ZNF248: variants seen among roughly 807,000 people sequenced by gnomAD.
ZNF248 encodes the protein KRAB protein domain.
ZNF248 carries 20 observed loss-of-function variants against 44.3 expected under a neutral mutation model. The ratio of observed to expected loss-of-function variants is 0.45; its 90% CI spans 0.32 to 0.66. The LOEUF (loss-of-function observed/expected upper bound fraction) is 0.66, where lower values mean the gene tolerates loss of function less well. Among genes scored for constraint, ZNF248 ranks in the 30% least tolerant of loss-of-function variants. The pLI is 0.04. For missense variants in ZNF248, 654 were observed against 677.0 expected (o/e 0.97, Z 0.38); for synonymous variants, 224 against 229.0 (o/e 0.98, Z 0.20).
intron 3 of ZNF248, among the ~76,000 whole-genome samples, chr10:37,846,116 C>T (rs527696576): frequency 2.0e-5 from 3 of 152,252 alleles, no homozygotes; most frequent in East Asian, 3.9e-4. Context: ...AGGTCTTAGG[C>T]GTTAACCACC....
intron 6 of ZNF248, among the ~76,000 whole-genome samples, chr10:37,808,064 G>C (rs2050853540): frequency 1.3e-5 from 2 of 152,076 alleles, no homozygotes; most frequent in South Asian, 2.1e-4. Context: ...TTATGAAAGA[G>C]TGTTGAAATA....
chr10:37,769,558 G>A, the ZNF248 span, among the ~76,000 whole-genome samples: 1 of 152,146 alleles, frequency 6.6e-6, no homozygotes, highest in Non-Finnish European at 1.5e-5. Context: ...AAAGGCCTTT[G>A]ACAAAATTCA....
At chr10:37,786,388 A>G (rs1426235897) in intron 6 of ZNF248, among the ~76,000 whole-genome samples, 1 of 152,184 alleles carries the variant, frequency 6.6e-6, no homozygotes, top group African/African-American at 2.4e-5. Context: ...ATCCAGGCTG[A>G]CAGCAGGGAA....
At position 37,851,768 on chromosome 10, in the gene ZNF248, CAAA is replaced by C. The variant is rs57501241; in HGVS notation, c.15+4525_15+4527del. ...ATCACTATATACCCATCAGAATGAC[CAAA>C]AAAAAAAAAAAAAAAAAAAAAAACC... is the stretch of plus-strand genomic sequence containing the variant. On this transcript the variant is annotated intron_variant, in intron 3 of 5. Transcript: ENST00000395867. Among the ~76,000 whole-genome samples, 24 of 32,054 alleles carry C rather than the reference CAAA, an allele frequency of 7.5e-4. 1 individual carries two copies. The South Asian group carries it at 0.014, about 19-fold the overall frequency. The allele number at this position is 32,054 out of a possible 152,430, so 21.0% of individuals were successfully genotyped here.
Position 37,832,475 on chromosome 10 carries a change from C to G in ZNF248, c.880G>C (p.Asp294His), listed in dbSNP as rs1450135190. ...TATTCATTATATTCATAAGGATTGT[C>G]CTTTGTAAGAGCTCTCTGATGTCCA... Reference protein sequence around the residue: ...RFGHQRALTKDNPYEYNEYGE... With the variant: ...RFGHQRALTKHNPYEYNEYGE... Residue 294 changes from aspartate to histidine, a missense_variant, in exon 6 of 6, where the codon GAC (aspartate) becomes CAC (histidine). Asp to His is a moderately conservative substitution (Grantham distance 81, BLOSUM62 -1). Transcript: ENST00000395867. The G allele has an allele frequency of 1.1e-5, 17 of 1,613,796 alleles. No individual in the cohort carries two copies. Among genetic ancestry groups the G allele is most frequent in the Non-Finnish European group, 1.4e-5 (16 of 1,179,944 alleles).
chr10:37,777,474 C>T (rs1388808198), intron 6 of ZNF248, among the ~76,000 whole-genome samples: 2 of 151,968 alleles, frequency 1.3e-5, no homozygotes, highest in African/African-American at 2.4e-5. Flanking sequence ...TCTCCAGAAT[C>T]GCAATTCCTA....
rs1382894808 is a variant in ZNF248 at position 37,829,535 on chromosome 10, A to G, written c.*2080T>C. The G allele has an allele frequency of 4.0e-5, 39 of 985,296 alleles. No individual in the cohort carries two copies. The highest frequency in any genetic ancestry group is 4.6e-5 in the Non-Finnish European group (38 of 829,938). The allele number at this position is 985,296 out of a possible 1,614,324, so 61.0% of individuals were successfully genotyped here. A position where few individuals can be genotyped will look rare whatever the true frequency, so the allele number is the denominator to read the frequency against. On this transcript the variant is annotated 3_prime_UTR_variant, in exon 6 of 6. Coordinates refer to ENST00000395867, the MANE Select transcript of ZNF248 (RefSeq NM_021045.3). ...GTCAGCTGGAATGCCTTCAGCTCTA[A>G]GTATCAGACAGCCCTAAGACCAAAT... is the stretch of plus-strand genomic sequence containing the variant.
chr10:37,764,604 C>T, the ZNF248 span, among the ~76,000 whole-genome samples: 18 of 152,082 alleles, frequency 1.2e-4, no homozygotes, highest in South Asian at 4.2e-4. Flanking sequence ...TGATGTCTCC[C>T]CTGGACACCC....
At chr10:37,825,590 C>A (rs185493496), downstream of ZNF248, among the ~76,000 whole-genome samples, 1 of 152,226 alleles carries the variant, frequency 6.6e-6, no homozygotes, top group East Asian at 1.9e-4. Flanking sequence ...TGAGTGTGCA[C>A]CACCACACCC....
chr10:37,840,182 A>C (rs2058081315), intron 3 of ZNF248, among the ~76,000 whole-genome samples: 1 of 152,232 alleles, frequency 6.6e-6, no homozygotes, highest in South Asian at 2.1e-4. Flanking sequence ...ACAGAGAGAA[A>C]TTTATAACAT....
intron 6 of ZNF248, among the ~76,000 whole-genome samples, chr10:37,777,345 C>T (rs544170508): frequency 9.2e-5 from 14 of 152,138 alleles, no homozygotes; most frequent in South Asian, 2.1e-4. Context: ...CTAAGCCACC[C>T]GCTTCCACCA....
Position 37,792,927 on chromosome 10 carries a change from C to T in ZNF248, c.331-16352G>A, listed in dbSNP as rs78824923. 2.2e-4 allele frequency among the ~76,000 whole-genome samples: 33 copies of T among 152,192 alleles called. No individual in the cohort carries two copies. The East Asian group carries it at 5.8e-3, about 27-fold the overall frequency. On this transcript the variant is annotated intron_variant, in intron 6 of 6. Transcript: ENST00000615949. ...AAATTTTTCATTAATAGTGTTGTAC[C>T]CATGTTAATTTCTTATTTTGACGTA...
intron 6 of ZNF248, among the ~76,000 whole-genome samples, chr10:37,779,795 C>G (rs1006877646): frequency 2.0e-5 from 3 of 149,450 alleles, no homozygotes; most frequent in African/African-American, 7.3e-5. Context: ...TCTCCTTAAG[C>G]TGATAAGCAA....
downstream of ZNF248, among the ~76,000 whole-genome samples, chr10:37,828,613 GC>G (rs1367606018): frequency 6.6e-6 from 1 of 152,206 alleles, no homozygotes; most frequent in African/African-American, 2.4e-5. Flanking sequence ...TGGGGTAAAT[GC>G]CACCCCGTGA....
At chr10:37,799,831 T>C (rs1204137908) in intron 6 of ZNF248, among the ~76,000 whole-genome samples, 5 of 152,146 alleles carry the variant, frequency 3.3e-5, no homozygotes, top group Non-Finnish European at 1.5e-5. Flanking sequence ...TGGAAAAAAG[T>C]AAAATTAGAT....
the ZNF248 span, among the ~76,000 whole-genome samples, chr10:37,770,021 C>T: frequency 1.1e-4 from 16 of 152,164 alleles, no homozygotes; most frequent in Non-Finnish European, 1.6e-4. Flanking sequence ...CTCCCTTTCA[C>T]CATTGCTTCA....
At chr10:37,809,480 T>C (rs1223324693) in intron 6 of ZNF248, among the ~76,000 whole-genome samples, 1 of 151,914 alleles carries the variant, frequency 6.6e-6, no homozygotes, top group East Asian at 1.9e-4. Flanking sequence ...GTTTCACCAT[T>C]TTGGCCAGGC....
At chr10:37,819,249 G>C in intron 6 of ZNF248, 1 of 865,278 alleles carries the variant, frequency 1.2e-6, no homozygotes, top group Non-Finnish European at 2.0e-6. Flanking sequence ...AATTTGTGCC[G>C]TTTCAGATAG....
At chr10:37,826,580 AT>A (rs2054427210), downstream of ZNF248, among the ~76,000 whole-genome samples, 1 of 152,218 alleles carries the variant, frequency 6.6e-6, no homozygotes, top group Non-Finnish European at 1.5e-5. Context: ...ACTTTAAAAT[AT>A]TTTTAACTGT....
Sources: gnomAD v4.1 joint callset for allele counts (sites outside exome capture counted in the v4.1 genomes callset) on GRCh38, gnomAD v4.1.1 for gene constraint, MANE v1.5 for transcripts, NCBI Gene and HGNC (gene_info 2026-07-23, HGNC 2026-07-21) for gene names.